The following KIF6 variants were observed in gnomAD, a reference collection of about 807,000 sequenced individuals.
KIF6 encodes kinesin-like protein KIF6.
KIF6 carries 106 observed loss-of-function variants against 112.7 expected under a neutral mutation model. The ratio of observed to expected loss-of-function variants is 0.94; its 90% CI spans 0.80 to 1.11. The LOEUF (loss-of-function observed/expected upper bound fraction) is 1.11. Among genes scored for constraint, KIF6 ranks in the 50% least tolerant of loss-of-function variants. The pLI, the probability that KIF6 is intolerant of heterozygous loss-of-function variation, is 0.00. For synonymous variants in KIF6, 339 were observed against 339.9 expected (o/e 1.00, Z 0.03); for missense variants, 929 against 964.0 (o/e 0.96, Z 0.48).
chr6:39,700,641 T>A (rs1788825610), intron 3 of KIF6, among the ~76,000 whole-genome samples: 1 of 152,198 alleles, frequency 6.6e-6, no homozygotes, highest in African/African-American at 2.4e-5. Context: ...AAGAAAAAAA[T>A]TAACTTCAAA....
chr6:39,338,067 A>C (rs1039210943), intron 22 of KIF6, among the ~76,000 whole-genome samples: 7 of 152,220 alleles, frequency 4.6e-5, no homozygotes, highest in Non-Finnish European at 7.4e-5. Context: ...AAATGTGAGA[A>C]CTGGTAAGAG....
At chr6:39,488,783 A>G (rs1156717746) in intron 13 of KIF6, among the ~76,000 whole-genome samples, 1 of 152,242 alleles carries the variant, frequency 6.6e-6, no homozygotes, top group East Asian at 1.9e-4. Context: ...CTTGTTTGGC[A>G]AATATAAATG....
At chr6:39,649,406 T>C (rs945981251) in intron 3 of KIF6, among the ~76,000 whole-genome samples, 1 of 152,172 alleles carries the variant, frequency 6.6e-6, no homozygotes, top group Non-Finnish European at 1.5e-5. Context: ...AATTGTTTTG[T>C]GTGAGAAAAA....
chr6:39,336,816 T>TC (rs1762933113), intron 22 of KIF6, among the ~76,000 whole-genome samples: 1 of 151,302 alleles, frequency 6.6e-6, no homozygotes, highest in African/African-American at 2.4e-5. Flanking sequence ...TTTCTTTCTT[T>TC]TTTTTGATGG....
intron 13 of KIF6, among the ~76,000 whole-genome samples, chr6:39,518,577 G>A (rs574683246): frequency 1.2e-3 from 181 of 152,260 alleles, no homozygotes; most frequent in Middle Eastern, 0.01. Flanking sequence ...AAAAGAATAC[G>A]CTGGGTGTTA....
chr6:39,493,484 G>A (rs185524067), intron 13 of KIF6, among the ~76,000 whole-genome samples: 15 of 152,170 alleles, frequency 9.9e-5, no homozygotes, highest in African/African-American at 3.6e-4. Flanking sequence ...GTTTCCCTTT[G>A]TACTCACTAG....
At chr6:39,627,062 C>A (rs558232284) in intron 5 of KIF6, among the ~76,000 whole-genome samples, 2 of 152,166 alleles carry the variant, frequency 1.3e-5, no homozygotes, top group African/African-American at 4.8e-5. Context: ...AAGGGCTACA[C>A]CTTGCCTGCC....
intron 15 of KIF6, among the ~76,000 whole-genome samples, chr6:39,401,276 T>C (rs1466692106): frequency 6.6e-6 from 1 of 152,246 alleles, no homozygotes; most frequent in Admixed American, 6.5e-5. Context: ...GCTCCCATTT[T>C]CCTCTGTCTT....
At chr6:39,357,891 T>G (rs1343735030) in intron 18 of KIF6, among the ~76,000 whole-genome samples, 1 of 152,232 alleles carries the variant, frequency 6.6e-6, no homozygotes, top group Non-Finnish European at 1.5e-5. Context: ...TTATGGGTAA[T>G]GTTTAATTTA....
intron 13 of KIF6, among the ~76,000 whole-genome samples, chr6:39,516,579 T>C (rs1170576186): frequency 6.6e-6 from 1 of 151,484 alleles, no homozygotes; most frequent in South Asian, 2.1e-4. Flanking sequence ...ACTGGGAAAG[T>C]GGGAGAAGCC....
chr6:39,613,752 C>A (rs904109065), intron 5 of KIF6, among the ~76,000 whole-genome samples: 1 of 152,164 alleles, frequency 6.6e-6, no homozygotes, highest in African/African-American at 2.4e-5. Context: ...CATGACATTT[C>A]AAACTGGTTC....
intron 3 of KIF6, among the ~76,000 whole-genome samples, chr6:39,644,942 T>A (rs1277586679): frequency 6.6e-6 from 1 of 152,148 alleles, no homozygotes; most frequent in Non-Finnish European, 1.5e-5. Flanking sequence ...AGAAGGGTAA[T>A]TAATAAAAGG....
At chr6:39,610,934 C>T (rs1249887401) in intron 6 of KIF6, among the ~76,000 whole-genome samples, 1 of 152,084 alleles carries the variant, frequency 6.6e-6, no homozygotes, top group East Asian at 1.9e-4. Context: ...TAATGCACAA[C>T]CAGCATTATT....
At chr6:39,400,123 C>T in intron 15 of KIF6, among the ~76,000 whole-genome samples, 1 of 152,100 alleles carries the variant, frequency 6.6e-6, no homozygotes, top group Non-Finnish European at 1.5e-5. Context: ...GGACTTTGGC[C>T]ATAATATTTT....
chr6:39,537,753 C>T (rs189470471), intron 13 of KIF6, among the ~76,000 whole-genome samples: 47 of 152,222 alleles, frequency 3.1e-4, no homozygotes, highest in Admixed American at 7.2e-4. Flanking sequence ...GAGCCCGCAT[C>T]ACCAAGTCAG....
At chr6:39,511,516 T>C (rs910892297) in intron 13 of KIF6, among the ~76,000 whole-genome samples, 1 of 152,172 alleles carries the variant, frequency 6.6e-6, no homozygotes, top group East Asian at 1.9e-4. Context: ...AGTTCAACCA[T>C]TGTGGAAGAC....
At chr6:39,443,568 C>T (rs1174709567) in intron 13 of KIF6, among the ~76,000 whole-genome samples, 2 of 151,986 alleles carry the variant, frequency 1.3e-5, no homozygotes, top group African/African-American at 4.8e-5. Context: ...CTCAGCCTCC[C>T]AAGTAGCTGG....
At chr6:39,393,068 G>A (rs937046987) in intron 15 of KIF6, among the ~76,000 whole-genome samples, 1 of 152,166 alleles carries the variant, frequency 6.6e-6, no homozygotes, top group African/African-American at 2.4e-5. Flanking sequence ...TTAGATGACC[G>A]CCCACTCCTC....
chr6:39,407,240 A>T (rs1769157456), intron 15 of KIF6, among the ~76,000 whole-genome samples: 1 of 152,082 alleles, frequency 6.6e-6, no homozygotes, highest in African/African-American at 2.4e-5. Context: ...AGATTGCAGT[A>T]TTTACTTCAA....
Sources: gnomAD v4.1 joint callset for allele counts (sites outside exome capture counted in the v4.1 genomes callset) on GRCh38, gnomAD v4.1.1 for gene constraint, MANE v1.5 for transcripts, NCBI Gene and HGNC (gene_info 2026-07-23, HGNC 2026-07-21) for gene names.